THRB: variants seen among roughly 807,000 people sequenced by gnomAD.
THRB encodes the protein thyroid hormone receptor beta.
THRB carries 12 observed loss-of-function variants against 47.8 expected under a neutral mutation model. The observed-to-expected ratio is 0.25, with a 90% CI of 0.16 to 0.41. THRB has a LOEUF of 0.41. Ranked by LOEUF, THRB falls within the 10% of genes least tolerant of loss-of-function variation. The pLI is 1.00. For missense variants in THRB, 348 were observed against 589.2 expected (o/e 0.59, Z 4.24); for synonymous variants, 218 against 212.2 (o/e 1.03, Z -0.24).
chr3:24,494,763 G>A lies in THRB; in HGVS notation c.-372C>T, dbSNP rs1418589468. 3 of 152,130 alleles carry A rather than the reference G, an allele frequency of 2.0e-5. No homozygotes were observed. Among genetic ancestry groups the A allele is most frequent in the Non-Finnish European group, 4.4e-5 (3 of 68,078 alleles). 9.4% of individuals were successfully genotyped at this position (152,130 alleles called of 1,614,324 possible). ...TGCGGGCTCTTGCCCCGAGCCCGCG[G>A]AGCAGGAGGTCTCTTTTCCAAGCGC... On this transcript the variant is annotated 5_prime_UTR_variant, in exon 1 of 11. Coordinates refer to ENST00000646209, the MANE Select transcript of THRB (RefSeq NM_001354712.2).
chr3:24,488,886 T>C (rs921633827), intron 1 of THRB, among the ~76,000 whole-genome samples: 2 of 152,182 alleles, frequency 1.3e-5, no homozygotes, highest in Non-Finnish European at 2.9e-5. Context: ...TATTTTGCCA[T>C]AAAAGATTTT....
intron 3 of THRB, among the ~76,000 whole-genome samples, chr3:24,234,141 T>C (rs1201473077): frequency 6.6e-6 from 1 of 152,214 alleles, no homozygotes; most frequent in African/African-American, 2.4e-5. Context: ...TGATCTCAAC[T>C]ATTAGGGAGT....
chr3:24,312,677 T>C (rs2149217261), intron 2 of THRB, among the ~76,000 whole-genome samples: 2 of 152,222 alleles, frequency 1.3e-5, no homozygotes, highest in Middle Eastern at 6.8e-3. Flanking sequence ...CAAAGAATCA[T>C]AGGAAGCCAG....
At chr3:24,284,297 CT>C (rs1415102620) in intron 3 of THRB, among the ~76,000 whole-genome samples, 15 of 151,926 alleles carry the variant, frequency 9.9e-5, no homozygotes, top group African/African-American at 3.6e-4. Flanking sequence ...ACTATCTGAT[CT>C]TTGACAAACC....
chr3:24,172,384 G>A (rs927422211), intron 5 of THRB, among the ~76,000 whole-genome samples: 3 of 152,090 alleles, frequency 2.0e-5, no homozygotes, highest in African/African-American at 7.2e-5. Context: ...GACAAGACCA[G>A]GGCCTCTTGG....
In THRB at chr3:24,190,198, C is replaced by T; in HGVS notation, c.159G>A (p.Gln53=). The change falls in exon 5 of 11, where the codon CAG becomes CAA. Residue 53 remains glutamine (Q), a synonymous_variant. Transcript: ENST00000646209. The part of the protein sequence containing the change: ...SERRSTLKNE[Q]SSPHLIQTTW... ...TGGTCTGGATGAGATGTGGCGACGA[C>T]TGTTCATTTTTCAACGTGCTGCGCC... 1 of 1,614,116 alleles carries T rather than the reference C, an allele frequency of 6.2e-7. No individual in the cohort carries two copies. Among genetic ancestry groups the T allele is most frequent in the Non-Finnish European group, 8.5e-7 (1 of 1,179,982 alleles).
chr3:24,476,423 G>C (rs1695456986), intron 1 of THRB, among the ~76,000 whole-genome samples: 1 of 152,054 alleles, frequency 6.6e-6, no homozygotes, highest in Admixed American at 6.5e-5. Flanking sequence ...AAATTTTTAA[G>C]GTATTGTTTC....
chr3:24,473,290 T>C (rs1694970855), intron 1 of THRB, among the ~76,000 whole-genome samples: 1 of 151,998 alleles, frequency 6.6e-6, no homozygotes, highest in African/African-American at 2.4e-5. Context: ...GTCTCAGGAC[T>C]CAGAAAACCA....
rs2031543649 is a variant in THRB at position 24,120,791 on chromosome 3, A to G, written c.*2093T>C. 6.6e-6 allele frequency: 1 copy of G among 152,248 alleles called. No homozygotes were observed. The highest frequency in any genetic ancestry group is 2.1e-4 in the South Asian group (1 of 4,834). The allele number at this position is 152,248 out of a possible 1,614,324, so 9.4% of individuals were successfully genotyped here. A position where few individuals can be genotyped will look rare whatever the true frequency, so the allele number is the denominator to read the frequency against. ...CTGTAGATAAAGCAGGTAATCTGCC[A>G]ATGAATTTCGTGCTTATAATTGTAA... is the stretch of plus-strand genomic sequence containing the variant. On this transcript the variant is annotated 3_prime_UTR_variant, in exon 11 of 11. Transcript: ENST00000646209.
intron 1 of THRB, among the ~76,000 whole-genome samples, chr3:24,407,426 TA>T (rs1339618595): frequency 6.6e-6 from 1 of 151,848 alleles, no homozygotes; most frequent in Non-Finnish European, 1.5e-5. Context: ...GGGATGTGTA[TA>T]TAATACCAGA....
intron 1 of THRB, among the ~76,000 whole-genome samples, chr3:24,493,245 G>A (rs1464266677): frequency 2.0e-5 from 3 of 152,210 alleles, no homozygotes; most frequent in African/African-American, 4.8e-5. Context: ...TTAAGCAGAA[G>A]TGAATTGGGG....
intron 2 of THRB, among the ~76,000 whole-genome samples, chr3:24,320,903 G>C (rs1243475041): frequency 1.3e-5 from 2 of 152,082 alleles, no homozygotes; most frequent in Non-Finnish European, 2.9e-5. Flanking sequence ...TCACCAATTA[G>C]ACTGTGAAAG....
chr3:24,144,626 C>T (rs189977828), intron 7 of THRB: 9 of 152,250 alleles, frequency 5.9e-5, no homozygotes, highest in Admixed American at 1.3e-4. Flanking sequence ...AAACCAAAAC[C>T]GTTTCACTAG....
At chr3:24,389,700 T>G (rs952564202) in intron 1 of THRB, among the ~76,000 whole-genome samples, 4 of 152,112 alleles carry the variant, frequency 2.6e-5, no homozygotes, top group African/African-American at 9.7e-5. Context: ...CCTTTTTTTT[T>G]GTCTGCCCCA....
chr3:24,210,819 C>T (rs1448282300), intron 4 of THRB, among the ~76,000 whole-genome samples: 1 of 152,140 alleles, frequency 6.6e-6, no homozygotes, highest in African/African-American at 2.4e-5. Context: ...TTTAAATGGT[C>T]ACTAATTGAG....
At chr3:24,342,089 T>C (rs1488137641) in intron 1 of THRB, among the ~76,000 whole-genome samples, 1 of 150,968 alleles carries the variant, frequency 6.6e-6, no homozygotes, top group African/African-American at 2.4e-5. Context: ...TTACTATCCC[T>C]GGTAATTCCA....
intron 4 of THRB, among the ~76,000 whole-genome samples, chr3:24,194,380 CGAT>C (rs2043717877): frequency 1.3e-5 from 2 of 152,082 alleles, no homozygotes; most frequent in African/African-American, 4.8e-5. Flanking sequence ...ATTCTAGAAA[CGAT>C]CATATCTTGT....
At chr3:24,153,564 C>A (rs2037346067) in intron 5 of THRB, among the ~76,000 whole-genome samples, 1 of 152,020 alleles carries the variant, frequency 6.6e-6, no homozygotes, top group Non-Finnish European at 1.5e-5. Context: ...GTTTAAATTC[C>A]TTGACTCAGG....
chr3:24,165,440 C>T, intron 5 of THRB: 1 of 679,830 alleles, frequency 1.5e-6, no homozygotes, highest in South Asian at 1.7e-5. Context: ...GAGAGCTGGG[C>T]ATATACGCAG....
Sources: allele counts gnomAD v4.1 joint callset (sites outside exome capture counted in the v4.1 genomes callset), GRCh38; gene constraint gnomAD v4.1.1; transcripts MANE v1.5; gene names NCBI Gene and HGNC (gene_info 2026-07-23, HGNC 2026-07-21).